The following KALRN variants were observed in gnomAD, a reference collection of about 807,000 sequenced individuals.
KALRN encodes the protein kalirin.
Under a neutral mutation model 353.7 loss-of-function variants are expected in KALRN, and 70 were observed. That is an observed-to-expected ratio of 0.20 (90% CI 0.16 to 0.24). The LOEUF is 0.24. KALRN is among the 10% of genes least tolerant of loss of function. KALRN has a pLI of 1.00. For synonymous variants in KALRN, 1,391 were observed against 1,434.8 expected (o/e 0.97, Z 0.69); for missense variants, 2,791 against 3,756.7 (o/e 0.74, Z 6.72).
intron 10 of KALRN, among the ~76,000 whole-genome samples, chr3:124,377,221 C>T (rs1252598677): frequency 6.6e-6 from 1 of 152,148 alleles, no homozygotes; most frequent in Non-Finnish European, 1.5e-5. Context: ...GATCCCAATG[C>T]TTACAGATAA....
rs368621455 is a variant in KALRN, at chr3:124,625,519, G to A, written c.5183-6901G>A. ...GAGGATCCCTTGAGCTCAGGAGTTC[G>A]AAACCAGCCCGGACAACATCATGAG... is the stretch of plus-strand genomic sequence containing the variant. On this transcript the variant is annotated intron_variant, in intron 34 of 59. Coordinates refer to ENST00000682506, the MANE Select transcript of KALRN (RefSeq NM_001388419.1). 1.1e-4 allele frequency among the ~76,000 whole-genome samples: 17 copies of A among 151,366 alleles called. 1 individual carries two copies. The East Asian group carries it at 2.9e-3, about 26-fold the overall frequency.
At chr3:124,615,226 C>G (rs1282755708) in intron 34 of KALRN, among the ~76,000 whole-genome samples, 2 of 152,034 alleles carry the variant, frequency 1.3e-5, no homozygotes, top group Admixed American at 1.3e-4. Context: ...ATATTCCTAC[C>G]AAAAACACAC....
chr3:124,528,873 T>C (rs940396396), intron 33 of KALRN, among the ~76,000 whole-genome samples: 1 of 152,138 alleles, frequency 6.6e-6, no homozygotes, highest in Admixed American at 6.5e-5. Context: ...ATGTAATACT[T>C]GGTTATTTTC....
chr3:124,232,707 C>T (rs1485382406), intron 2 of KALRN, among the ~76,000 whole-genome samples: 3 of 152,164 alleles, frequency 2.0e-5, no homozygotes, highest in Admixed American at 6.5e-5. Flanking sequence ...CTTATCTACA[C>T]TTCTGGATGT....
intron 20 of KALRN, 117 bp from the exon 21 acceptor site, chr3:124,446,646 T>C (rs2093849036): frequency 1.6e-6 from 2 of 1,272,666 alleles, no homozygotes; most frequent in South Asian, 2.8e-5. Context: ...CCAATCAAAT[T>C]GTCAGTGTTT....
chr3:124,358,409 G>T (rs977502485), intron 10 of KALRN, among the ~76,000 whole-genome samples: 2 of 151,990 alleles, frequency 1.3e-5, no homozygotes, highest in Non-Finnish European at 2.9e-5. Context: ...TTAAAAACTC[G>T]CTGTTATTAC....
intron 10 of KALRN, among the ~76,000 whole-genome samples, chr3:124,363,535 G>C (rs1013640920): frequency 6.6e-6 from 1 of 152,184 alleles, no homozygotes; most frequent in African/African-American, 2.4e-5. Flanking sequence ...CTAGAGCACA[G>C]AGCAAATGTA....
chr3:124,082,531 T>C (rs972051588), intron 1 of KALRN, among the ~76,000 whole-genome samples: 2 of 152,042 alleles, frequency 1.3e-5, no homozygotes, highest in Non-Finnish European at 2.9e-5. Flanking sequence ...CTAAAAAACA[T>C]AGTGAGGAAT....
At chr3:124,504,218 A>G (rs1477007556) in intron 33 of KALRN, among the ~76,000 whole-genome samples, 1 of 152,186 alleles carries the variant, frequency 6.6e-6, no homozygotes, top group Non-Finnish European at 1.5e-5. Context: ...ATCTGATTCA[A>G]TGTGAGTTTG....
intron 1 of KALRN, among the ~76,000 whole-genome samples, chr3:124,212,314 G>A (rs1191375793): frequency 2.0e-5 from 3 of 150,836 alleles, no homozygotes; most frequent in Non-Finnish European, 3.0e-5. Context: ...ATTTCAGAAG[G>A]TTAAAAAAAA....
At chr3:124,108,812 T>G (rs1307492487) in intron 1 of KALRN, among the ~76,000 whole-genome samples, 2 of 152,198 alleles carry the variant, frequency 1.3e-5, no homozygotes, top group Non-Finnish European at 2.9e-5. Flanking sequence ...TTACCTAGCC[T>G]GCCTTGGCTG....
At chr3:124,136,349 GA>G (rs1342294148) in intron 1 of KALRN, among the ~76,000 whole-genome samples, 2 of 152,196 alleles carry the variant, frequency 1.3e-5, no homozygotes, top group African/African-American at 4.8e-5. Context: ...GTGGGCCCAA[GA>G]ATTTATACTT....
intron 37 of KALRN, among the ~76,000 whole-genome samples, chr3:124,639,132 G>C (rs1388040224): frequency 1.3e-5 from 2 of 152,018 alleles, no homozygotes; most frequent in Admixed American, 6.6e-5. Flanking sequence ...CTCACACTTG[G>C]CTTTCTTCCC....
At chr3:124,429,566 G>T (rs1480341853) in intron 15 of KALRN, among the ~76,000 whole-genome samples, 1 of 152,160 alleles carries the variant, frequency 6.6e-6, no homozygotes, top group Non-Finnish European at 1.5e-5. Flanking sequence ...CAATGTTCTG[G>T]TGACCAGACA....
chr3:124,397,435 G>A (rs1367217974), intron 12 of KALRN, among the ~76,000 whole-genome samples: 1 of 152,152 alleles, frequency 6.6e-6, no homozygotes, highest in Non-Finnish European at 1.5e-5. Context: ...GACAAACACA[G>A]GCTAAAAGAA....
Position 124,434,389 on chromosome 3 carries a change from C to T in KALRN, c.2912C>T (p.Ala971Val), listed in dbSNP as rs2093390952. Residue 971 changes from alanine to valine, a missense_variant, in exon 17 of 60, where the codon GCC (alanine) becomes GTC (valine). This residue lies in a region of KALRN where 452 missense variants were observed against 575.8 expected (regional missense o/e 0.78). Transcript: ENST00000682506. ...VQQKAEVLLQAGHYDADAIRE... is the reference protein window; with the variant it reads ...VQQKAEVLLQVGHYDADAIRE... ...CAGAAAGCCGAGGTGCTGCTCCAGGCCGGCCACTACGATGCCGATGCCATC... is the reference window on the plus strand; with the variant it reads ...CAGAAAGCCGAGGTGCTGCTCCAGGTCGGCCACTACGATGCCGATGCCATC... The T allele has an allele frequency of 6.2e-7, 1 of 1,614,084 alleles. No individual in the cohort carries two copies. Among genetic ancestry groups the T allele is most frequent in the Non-Finnish European group, 8.5e-7 (1 of 1,180,014 alleles).
In KALRN at chr3:124,476,909, A is replaced by G. The variant is rs896284753; in HGVS notation, c.4102-336A>G. ...TTCAAGATGGGGAGCACAATTGTAG[A>G]TAATCCAAAAAAGGGTAAAATCTGT... On this transcript the variant is annotated intron_variant, in intron 26 of 59. Transcript: ENST00000682506. Among the ~76,000 whole-genome samples, 3 of 152,268 alleles carry G rather than the reference A, an allele frequency of 2.0e-5. No individual in the cohort carries two copies. The South Asian group carries it at 6.2e-4, about 31-fold the overall frequency.
At chr3:124,417,149 A>G (rs990948026) in intron 14 of KALRN, among the ~76,000 whole-genome samples, 3 of 152,218 alleles carry the variant, frequency 2.0e-5, no homozygotes, top group Non-Finnish European at 4.4e-5. Context: ...TTGAGCCTCA[A>G]GTTGGGAGAT....
chr3:124,539,955 G>C (rs1386106462), intron 33 of KALRN, among the ~76,000 whole-genome samples: 1 of 151,638 alleles, frequency 6.6e-6, no homozygotes, highest in African/African-American at 2.4e-5. Context: ...TGTCACCCAG[G>C]CTGGAGTGCA....
Sources: gnomAD v4.1 joint callset for allele counts (sites outside exome capture counted in the v4.1 genomes callset) on GRCh38, gnomAD v4.1.1 for gene constraint, gnomAD v4.1.1 regional missense constraint, MANE v1.5 for transcripts, NCBI Gene and HGNC (gene_info 2026-07-23, HGNC 2026-07-21) for gene names.